SLC24A2: variants seen among roughly 807,000 people sequenced by gnomAD.
SLC24A2 encodes the protein sodium/potassium/calcium exchanger 2.
A neutral mutation model predicts 62.0 loss-of-function variants in SLC24A2; 36 were observed. The ratio of observed to expected loss-of-function variants is 0.58; its 90% CI spans 0.44 to 0.77. The LOEUF (loss-of-function observed/expected upper bound fraction) is 0.77. Among genes scored for constraint, SLC24A2 ranks in the 30% least tolerant of loss-of-function variants. SLC24A2 has a pLI of 0.00. For synonymous variants in SLC24A2, 358 were observed against 294.0 expected (o/e 1.22, Z -2.23); for missense variants, 846 against 817.9 (o/e 1.03, Z -0.42).
the SLC24A2 span, among the ~76,000 whole-genome samples, chr9:19,892,194 TC>T: frequency 6.6e-6 from 1 of 152,182 alleles, no homozygotes; most frequent in Non-Finnish European, 1.5e-5. Flanking sequence ...GCTGCCTCTT[TC>T]TCATAGTTCA....
intron 2 of SLC24A2, among the ~76,000 whole-genome samples, chr9:19,720,965 T>C (rs1821009756): frequency 1.3e-5 from 2 of 151,924 alleles, no homozygotes; most frequent in Admixed American, 6.6e-5. Flanking sequence ...ATTCCCAAAG[T>C]ATAGTGCTTG....
the SLC24A2 span, among the ~76,000 whole-genome samples, chr9:20,300,928 G>A: frequency 6.6e-6 from 1 of 152,116 alleles, no homozygotes; most frequent in Non-Finnish European, 1.5e-5. Context: ...TGTCATCATC[G>A]TGACACATTA....
the SLC24A2 span, among the ~76,000 whole-genome samples, chr9:20,204,467 T>C: frequency 1.9e-4 from 29 of 152,226 alleles, no homozygotes; most frequent in Admixed American, 2.0e-4. Flanking sequence ...ATGTGAATGC[T>C]TGACAACACA....
the SLC24A2 span, among the ~76,000 whole-genome samples, chr9:19,808,567 A>T: frequency 6.6e-6 from 1 of 152,180 alleles, no homozygotes; most frequent in African/African-American, 2.4e-5. This position sits in a 1 kb window ranked among gnomAD's most constrained non-coding sequence, Gnocchi z 4.1. Flanking sequence ...GCAAGATCCG[A>T]TGGATGTCTG....
At chr9:19,662,233 T>C (rs1819122420) in intron 2 of SLC24A2, among the ~76,000 whole-genome samples, 1 of 152,248 alleles carries the variant, frequency 6.6e-6, no homozygotes, top group African/African-American at 2.4e-5. Flanking sequence ...TTTCAACATG[T>C]AATCAATAGA....
At chr9:19,588,149 T>C (rs145846810) in intron 5 of SLC24A2, among the ~76,000 whole-genome samples, 2,089 of 150,942 alleles carry the variant, frequency 0.014, 49 homozygotes, top group African/African-American at 0.049. Context: ...TGGCTAGTAC[T>C]GGTTCAATAC....
At chr9:20,228,236 A>C in the SLC24A2 span, among the ~76,000 whole-genome samples, 1 of 152,144 alleles carries the variant, frequency 6.6e-6, no homozygotes, top group Non-Finnish European at 1.5e-5. Flanking sequence ...TTAGTAGAAG[A>C]GACTCTAGAC....
At chr9:19,829,128 C>A in the SLC24A2 span, among the ~76,000 whole-genome samples, 1 of 152,184 alleles carries the variant, frequency 6.6e-6, no homozygotes, top group Non-Finnish European at 1.5e-5. Context: ...ATCATGGAGA[C>A]AATACCTTCT....
chr9:19,620,990 T>C (rs1817895329), intron 3 of SLC24A2, among the ~76,000 whole-genome samples: 2 of 152,066 alleles, frequency 1.3e-5, no homozygotes, highest in South Asian at 4.1e-4. Context: ...TGGATATATA[T>C]TGGAAAGTGC....
At chr9:19,699,824 T>G (rs1429891667) in intron 2 of SLC24A2, among the ~76,000 whole-genome samples, 1 of 152,182 alleles carries the variant, frequency 6.6e-6, no homozygotes, top group Non-Finnish European at 1.5e-5. Flanking sequence ...GTCTTAAATT[T>G]TTTTTTCTGA....
chr9:20,007,819 T>C, the SLC24A2 span, among the ~76,000 whole-genome samples: 2 of 150,612 alleles, frequency 1.3e-5, no homozygotes, highest in African/African-American at 4.9e-5. Context: ...GATGTGTATT[T>C]TAAGAGACTT....
At chr9:19,656,051 A>G (rs888735505) in intron 2 of SLC24A2, among the ~76,000 whole-genome samples, 5 of 152,180 alleles carry the variant, frequency 3.3e-5, no homozygotes, top group South Asian at 4.1e-4. Flanking sequence ...GTCTGCAATT[A>G]TGACAAGTGG....
At chr9:19,915,065 A>C in the SLC24A2 span, among the ~76,000 whole-genome samples, 1 of 152,098 alleles carries the variant, frequency 6.6e-6, no homozygotes, top group Non-Finnish European at 1.5e-5. Flanking sequence ...GAATATTCCC[A>C]TCACTCCCAA....
chr9:19,602,570 G>A (rs991535560), intron 4 of SLC24A2, among the ~76,000 whole-genome samples: 8 of 152,148 alleles, frequency 5.3e-5, no homozygotes, highest in African/African-American at 1.9e-4. Flanking sequence ...GTACAACTCA[G>A]AGAAAGAAAT....
the SLC24A2 span, among the ~76,000 whole-genome samples, chr9:19,930,685 A>G: frequency 6.6e-6 from 1 of 152,232 alleles, no homozygotes; most frequent in Non-Finnish European, 1.5e-5. Flanking sequence ...TAAAGGTATT[A>G]TAATTTCAGG....
At chr9:19,553,721 C>G (rs1324800180) in intron 7 of SLC24A2, among the ~76,000 whole-genome samples, 1 of 152,198 alleles carries the variant, frequency 6.6e-6, no homozygotes, top group Non-Finnish European at 1.5e-5. Context: ...TGCAAGCAGT[C>G]ACTAAGCACC....
At chr9:19,590,310 C>T (rs2132883491) in intron 5 of SLC24A2, among the ~76,000 whole-genome samples, 1 of 152,302 alleles carries the variant, frequency 6.6e-6, no homozygotes, top group South Asian at 2.1e-4. Flanking sequence ...ACTCAATCTC[C>T]CACTCCTGCC....
chr9:19,515,035 C>A lies in SLC24A2; in HGVS notation c.*1118G>T, dbSNP rs1832871172. 1 of 152,200 alleles carries A rather than the reference C, an allele frequency of 6.6e-6. No individual in the cohort carries two copies. The highest frequency in any genetic ancestry group is 1.5e-5 in the Non-Finnish European group (1 of 68,052). The allele number at this position is 152,200 out of a possible 1,614,324, so 9.4% of individuals were successfully genotyped here. A position where few individuals can be genotyped will look rare whatever the true frequency, so the allele number is the denominator to read the frequency against. On this transcript the variant is annotated 3_prime_UTR_variant, in exon 11 of 11. Transcript: ENST00000341998. ...ACTAAGCACCTTTACTGGATGACTT[C>A]TTATTGCACATCTAGGCTCTCTTGG... is the stretch of plus-strand genomic sequence containing the variant.
the SLC24A2 span, among the ~76,000 whole-genome samples, chr9:20,224,648 G>C: frequency 6.6e-6 from 1 of 151,462 alleles, no homozygotes; most frequent in Non-Finnish European, 1.5e-5. Flanking sequence ...AATTTAGGGG[G>C]AAAGGGAGAA....
Sources: gnomAD v4.1 joint callset for allele counts (sites outside exome capture counted in the v4.1 genomes callset) on GRCh38, gnomAD v4.1.1 for gene constraint, Gnocchi (gnomAD v3.1) non-coding constraint, MANE v1.5 for transcripts, NCBI Gene and HGNC (gene_info 2026-07-23, HGNC 2026-07-21) for gene names.